The following ZNF790 variants were observed in gnomAD, a reference collection of about 807,000 sequenced individuals.
The protein encoded by ZNF790 is zinc finger protein 790.
In ZNF790, 8 loss-of-function variants were observed where a neutral mutation model predicts 12.1. That is an observed-to-expected ratio of 0.66 (90% confidence interval 0.39 to 1.19). The LOEUF (loss-of-function observed/expected upper bound fraction) is 1.19. Among genes scored for constraint, ZNF790 ranks in the 50% most tolerant of loss-of-function variants. The probability of loss-of-function intolerance (pLI) is 0.01; values close to 1 mark genes in which losing one functional copy is unlikely to be tolerated. For missense variants in ZNF790, 707 were observed against 752.2 expected (o/e 0.94, Z 0.70); for synonymous variants, 252 against 244.3 (o/e 1.03, Z -0.29).
Position 36,818,561 on chromosome 19 carries a change from C to T in ZNF790, c.1783G>A (p.Gly595Arg), listed in dbSNP as rs767178249. The T allele has an allele frequency of 6.2e-7, 1 of 1,609,648 alleles. No individual in the cohort carries two copies. Among genetic ancestry groups the T allele is most frequent in the Admixed American group, 1.7e-5 (1 of 59,912 alleles). Residue 595 changes from glycine (G) to arginine (R), a missense_variant, in exon 5 of 5, where the codon GGG becomes AGG. Transcript: ENST00000356725. Reference protein sequence around the residue: ...SANLCEWTDYGNTFSHESNFA... With the variant: ...SANLCEWTDYRNTFSHESNFA... Reference sequence around the variant, plus strand: ...TTTGACTCATGACTAAAGGTGTTCCCATAGTCTGTCCATTCACAGAGATTT... The same window carrying T: ...TTTGACTCATGACTAAAGGTGTTCCTATAGTCTGTCCATTCACAGAGATTT...
chr19:36,825,732 C>A lies in ZNF790; in HGVS notation c.-73-40G>T, dbSNP rs1017457409. On this transcript the variant is annotated intron_variant, in intron 1 of 4. Coordinates refer to ENST00000356725, the MANE Select transcript of ZNF790 (RefSeq NM_206894.4). Reference sequence around the variant, plus strand: ...TCACAAGGTCAGGCCTTTCTCAGAGCTCTCAAAGGGACAAATAGGAAATGC... The same window carrying A: ...TCACAAGGTCAGGCCTTTCTCAGAGATCTCAAAGGGACAAATAGGAAATGC... 4 of 1,184,476 alleles carry A rather than the reference C, an allele frequency of 3.4e-6. No homozygotes were observed. In the Admixed American group the frequency reaches 6.8e-5, roughly 20 times the overall value. The allele number at this position is 1,184,476 out of a possible 1,614,324, so 73.4% of individuals were successfully genotyped here.
intron 1 of ZNF790, among the ~76,000 whole-genome samples, chr19:36,835,577 C>T (rs2072029157): frequency 6.6e-6 from 1 of 152,164 alleles, no homozygotes; most frequent in African/African-American, 2.4e-5. Flanking sequence ...CAAGACACTA[C>T]ACCACTGTAT....
At chr19:36,847,898 C>G (rs1350254366) in intron 1 of ZNF790, among the ~76,000 whole-genome samples, 1 of 152,170 alleles carries the variant, frequency 6.6e-6, no homozygotes. Flanking sequence ...CACAGCATTC[C>G]TGCCCTGTGG....
chr19:36,834,668 A>G (rs550569673), intron 1 of ZNF790, among the ~76,000 whole-genome samples: 14 of 152,288 alleles, frequency 9.2e-5, no homozygotes, highest in African/African-American at 2.6e-4. Flanking sequence ...GCTTGAGGAG[A>G]TTCACATACT....
intron 1 of ZNF790, among the ~76,000 whole-genome samples, chr19:36,847,742 T>C (rs1328968244): frequency 7.2e-6 from 1 of 138,234 alleles, no homozygotes; most frequent in East Asian, 2.1e-4. Flanking sequence ...AAAGAGAGAC[T>C]CTGTCTCAAA....
At chr19:36,826,909 G>A (rs572652739) in intron 1 of ZNF790, among the ~76,000 whole-genome samples, 1 of 150,056 alleles carries the variant, frequency 6.7e-6, no homozygotes, top group East Asian at 2.0e-4. Flanking sequence ...TGTGGGAAAT[G>A]CGCGAGGGGA....
At chr19:36,848,327 C>G (rs535510597) in intron 1 of ZNF790, among the ~76,000 whole-genome samples, 1 of 152,168 alleles carries the variant, frequency 6.6e-6, no homozygotes, top group Non-Finnish European at 1.5e-5. Context: ...CATCACCAAT[C>G]GCTGCTGATT....
At chr19:36,839,866 C>T (rs1460786112), upstream of ZNF790, among the ~76,000 whole-genome samples, 2 of 152,006 alleles carry the variant, frequency 1.3e-5, no homozygotes, top group African/African-American at 2.4e-5. Flanking sequence ...AGTTCGAGAC[C>T]AGCTTGGCTA....
intron 1 of ZNF790, among the ~76,000 whole-genome samples, chr19:36,848,336 T>C (rs1453302307): frequency 6.6e-6 from 1 of 152,208 alleles, no homozygotes; most frequent in Non-Finnish European, 1.5e-5. Flanking sequence ...TCGCTGCTGA[T>C]TTAATTAATC....
In ZNF790 at chr19:36,844,336, A is replaced by AC. The variant is rs1247247411; in HGVS notation, c.-74+5665_-74+5666insG. Among the ~76,000 whole-genome samples the AC allele has an allele frequency of 2.6e-5, 4 of 151,554 alleles. No homozygotes were observed. The East Asian group carries it at 7.7e-4, about 29-fold the overall frequency. ...AAAAACAAAACAAAACAAAAAACAA[A>AC]AAAAAAAAAACCCAAAAAGCCCCCA... is the stretch of plus-strand genomic sequence containing the variant. On this transcript the variant is annotated intron_variant, in intron 1 of 4. Coordinates refer to the ZNF790 transcript ENST00000528994.
chr19:36,837,667 C>T (rs1429760484), intron 1 of ZNF790: 1 of 152,110 alleles, frequency 6.6e-6, no homozygotes, highest in Non-Finnish European at 1.5e-5. Flanking sequence ...GCCTTGTTTA[C>T]TTACCCTTGC....
upstream of ZNF790, among the ~76,000 whole-genome samples, chr19:36,838,543 C>T (rs2072099136): frequency 6.6e-6 from 1 of 152,194 alleles, no homozygotes; most frequent in East Asian, 1.9e-4. This position sits in a 1 kb window ranked among gnomAD's most constrained non-coding sequence, Gnocchi z 4.4. Context: ...GGGCAAAGAC[C>T]ATCGCCCACA....
upstream of ZNF790, among the ~76,000 whole-genome samples, chr19:36,841,071 CATA>C (rs1441403057): frequency 6.6e-6 from 1 of 152,050 alleles, no homozygotes; most frequent in African/African-American, 2.4e-5. Flanking sequence ...AAAGCTTTAC[CATA>C]ATGTTTTTCA....
intron 1 of ZNF790, among the ~76,000 whole-genome samples, chr19:36,843,922 T>G (rs2072151746): frequency 6.6e-6 from 1 of 150,554 alleles, no homozygotes; most frequent in African/African-American, 2.5e-5. Context: ...GCAGGAGAGT[T>G]GCTTGAACCC....
chr19:36,826,785 T>C (rs947414460), intron 1 of ZNF790, among the ~76,000 whole-genome samples: 1 of 150,822 alleles, frequency 6.6e-6, no homozygotes, highest in Non-Finnish European at 1.5e-5. Context: ...ATAAAGGTAA[T>C]CATGGTTATG....
At chr19:36,823,179 A>G in intron 4 of ZNF790, 106 bp downstream of exon 4, 1 of 1,024,158 alleles carries the variant, frequency 9.8e-7, no homozygotes, top group South Asian at 1.5e-5. Flanking sequence ...TTTTGGTCTT[A>G]AGGGGATATT....
At chr19:36,821,395 T>C (rs2071668003) in intron 4 of ZNF790, among the ~76,000 whole-genome samples, 1 of 152,074 alleles carries the variant, frequency 6.6e-6, no homozygotes, top group African/African-American at 2.4e-5. Flanking sequence ...TAATTTTTCA[T>C]ATTATAAAAA....
intron 1 of ZNF790, among the ~76,000 whole-genome samples, chr19:36,826,626 T>TAATCA (rs1206188638): frequency 4.8e-5 from 5 of 104,354 alleles, no homozygotes; most frequent in Admixed American, 9.5e-5. Flanking sequence ...TTATCTATAA[T>TAATCA]TATATATATA....
At chr19:36,833,504 AT>A (rs1236480018) in intron 1 of ZNF790, among the ~76,000 whole-genome samples, 3 of 151,282 alleles carry the variant, frequency 2.0e-5, no homozygotes, top group African/African-American at 4.9e-5. Context: ...AAATGAAATA[AT>A]TTATCACATT....
Sources: allele counts gnomAD v4.1 joint callset (sites outside exome capture counted in the v4.1 genomes callset), GRCh38; gene constraint gnomAD v4.1.1; non-coding constraint Gnocchi (gnomAD v3.1); transcripts MANE v1.5; gene names NCBI Gene and HGNC (gene_info 2026-07-23, HGNC 2026-07-21).